Variants in SRGAP1 observed in about 807,000 individuals in gnomAD.
SRGAP1 encodes the protein SLIT-ROBO Rho GTPase-activating protein 1.
In SRGAP1, 43 loss-of-function variants were observed where a neutral mutation model predicts 121.9. The ratio of observed to expected loss-of-function variants is 0.35; its 90% CI spans 0.28 to 0.46. The LOEUF is 0.46. Among genes scored for constraint, SRGAP1 ranks in the 20% least tolerant of loss-of-function variants. SRGAP1 has a pLI of 1.00. For missense variants in SRGAP1, 1,102 were observed against 1,350.9 expected (o/e 0.82, Z 2.89); for synonymous variants, 447 against 485.4 (o/e 0.92, Z 1.04).
At chr12:64,141,269 TAATAAAAAA>T (rs2036954872) in intron 21 of SRGAP1, among the ~76,000 whole-genome samples, 1 of 78,130 alleles carries the variant, frequency 1.3e-5, no homozygotes, top group Non-Finnish European at 2.4e-5. Flanking sequence ...ACTTAAAGTA[TAATAAAAAA>T]AAAAAAAAAA....
intron 18 of SRGAP1, among the ~76,000 whole-genome samples, chr12:64,117,380 A>G (rs934759431): frequency 1.1e-4 from 16 of 151,722 alleles, no homozygotes; most frequent in Admixed American, 7.2e-4. Context: ...TTGATTTGTA[A>G]GGGTTCTTTG....
chr12:64,105,735 C>T (rs546118839), intron 15 of SRGAP1, among the ~76,000 whole-genome samples: 1 of 152,188 alleles, frequency 6.6e-6, no homozygotes, highest in African/African-American at 2.4e-5. Flanking sequence ...AGTTAGCTGA[C>T]ATCACCCCAC....
intron 4 of SRGAP1, 61 bp from the exon 5 acceptor site, chr12:64,042,711 TACGTCGTATAAATGGTTC>T: frequency 8.8e-7 from 1 of 1,134,232 alleles, no homozygotes; most frequent in Non-Finnish European, 1.3e-6. Context: ...GTGTATCATA[TACGTCGTATAAATGGTTC>T]CCATTCACTC....
At chr12:64,085,785 A>G (rs1027916905) in intron 10 of SRGAP1, among the ~76,000 whole-genome samples, 2 of 152,234 alleles carry the variant, frequency 1.3e-5, no homozygotes, top group Non-Finnish European at 2.9e-5. Context: ...AACTTAAATA[A>G]GTAGAACTGG....
At chr12:64,106,976 GATA>G (rs1248978038) in intron 15 of SRGAP1, among the ~76,000 whole-genome samples, 1 of 152,162 alleles carries the variant, frequency 6.6e-6, no homozygotes, top group Non-Finnish European at 1.5e-5. Context: ...TTAATTGCAT[GATA>G]ATGTTTTACT....
chr12:63,866,076 A>G (rs973403763), intron 1 of SRGAP1, among the ~76,000 whole-genome samples: 1 of 152,174 alleles, frequency 6.6e-6, no homozygotes, highest in Non-Finnish European at 1.5e-5. Flanking sequence ...ATTTTTGCTC[A>G]GCTCATGAGG....
At chr12:63,983,823 TATATATATATATATATATATATATATA>T (rs2033331380) in intron 1 of SRGAP1, 97 bp from the exon 2 acceptor site, 1 of 74,544 alleles carries the variant, frequency 1.3e-5, no homozygotes, top group African/African-American at 5.6e-5. Context: ...TATATATATA[TATATATATATATATATATATATATATA>T]TATATTTATA....
Position 64,153,841 on chromosome 12 carries a change from T to C in SRGAP1, c.*11169T>C, listed in dbSNP as rs952875855. ...AAAAGAATTGAAAACAGAAGAGATATTTGCACACTCATGTTCACGCAGCTT... is the reference window on the plus strand; with the variant it reads ...AAAAGAATTGAAAACAGAAGAGATACTTGCACACTCATGTTCACGCAGCTT... On this transcript the variant is annotated 3_prime_UTR_variant, in exon 22 of 22. Transcript: ENST00000355086. The C allele has an allele frequency of 1.3e-5, 2 of 152,166 alleles. No homozygotes were observed. The highest frequency in any genetic ancestry group is 2.9e-5 in the Non-Finnish European group (2 of 68,038). 9.4% of individuals were successfully genotyped at this position (152,166 alleles called of 1,614,324 possible).
chr12:63,956,095 C>G (rs539571382), intron 1 of SRGAP1, among the ~76,000 whole-genome samples: 3 of 152,270 alleles, frequency 2.0e-5, no homozygotes, highest in Non-Finnish European at 4.4e-5. Context: ...GGGTCTAGGT[C>G]TGTCACCCAG....
At chr12:63,920,844 G>C (rs973401245) in intron 1 of SRGAP1, among the ~76,000 whole-genome samples, 4 of 152,126 alleles carry the variant, frequency 2.6e-5, no homozygotes, top group African/African-American at 9.7e-5. Context: ...ATCCATTGAC[G>C]AAATGGGAAA....
intron 6 of SRGAP1, among the ~76,000 whole-genome samples, chr12:64,062,707 G>A (rs935001322): frequency 2.0e-5 from 3 of 151,988 alleles, no homozygotes; most frequent in South Asian, 2.1e-4. Context: ...AGTAGAGACG[G>A]GGGGTCTTCA....
intron 8 of SRGAP1, among the ~76,000 whole-genome samples, chr12:64,071,873 C>T (rs1040604518): frequency 2.0e-5 from 3 of 148,844 alleles, no homozygotes; most frequent in Admixed American, 6.8e-5. Context: ...TACCCTCACC[C>T]CCCCCCAAAA....
At position 64,043,595 on chromosome 12, in the gene SRGAP1, G is replaced by T; in HGVS notation, c.801+20G>T. Reference sequence around the variant, plus strand: ...ATTGATGTGAGTACTTGAAGTTTTTGTCTTTTCCATATTAAAATGAAATTA... The same window carrying T: ...ATTGATGTGAGTACTTGAAGTTTTTTTCTTTTCCATATTAAAATGAAATTA... On this transcript the variant is annotated intron_variant, in intron 6 of 21. Transcript: ENST00000355086. 1 of 1,555,654 alleles carries T rather than the reference G, an allele frequency of 6.4e-7. No homozygotes were observed. The highest frequency in any genetic ancestry group is 1.4e-5 in the African/African-American group (1 of 72,554).
intron 1 of SRGAP1, among the ~76,000 whole-genome samples, chr12:63,972,474 T>G (rs1204179448): frequency 1.3e-5 from 2 of 152,204 alleles, no homozygotes; most frequent in African/African-American, 4.8e-5. Flanking sequence ...AGTGGCTGAT[T>G]GCAGGGAGTG....
chr12:63,891,983 C>A (rs1350462373), intron 1 of SRGAP1, among the ~76,000 whole-genome samples: 72 of 96,260 alleles, frequency 7.5e-4, no homozygotes, highest in South Asian at 1.3e-3. Flanking sequence ...AAGACTGTCT[C>A]AAAAAAAAAA....
chr12:63,913,454 C>CATATATATATATATATAT (rs570506869), intron 1 of SRGAP1, among the ~76,000 whole-genome samples: 4 of 124,114 alleles, frequency 3.2e-5, no homozygotes, highest in South Asian at 2.8e-4. Context: ...ACTGTGTCCA[C>CATATATATATATATATAT]ATATATATAT....
intron 1 of SRGAP1, among the ~76,000 whole-genome samples, chr12:63,926,503 G>C: frequency 6.6e-6 from 1 of 151,998 alleles, no homozygotes; most frequent in East Asian, 1.9e-4. Context: ...CCTGCCTTCT[G>C]GGTAGGGCTC....
In SRGAP1 at chr12:64,063,146, A is replaced by G; in HGVS notation, c.1023+8A>G. The G allele has an allele frequency of 6.3e-7, 1 of 1,597,348 alleles. No homozygotes were observed. The highest frequency in any genetic ancestry group is 8.6e-7 in the Non-Finnish European group (1 of 1,166,348). ...TCTCACATGGGTGATGAGGTCAGTA[A>G]TTGATCATTTTTAAAATAATGAATT... On this transcript the variant is annotated splice_region_variant and intron_variant, in intron 7 of 21. Coordinates refer to ENST00000355086, the MANE Select transcript of SRGAP1 (RefSeq NM_020762.4).
intron 1 of SRGAP1, among the ~76,000 whole-genome samples, chr12:63,847,768 A>T (rs1314469576): frequency 6.6e-6 from 1 of 151,952 alleles, no homozygotes; most frequent in African/African-American, 2.4e-5. Flanking sequence ...ATGAATAAAC[A>T]TACATATTGG....
Sources: gnomAD v4.1 joint callset for allele counts (sites outside exome capture counted in the v4.1 genomes callset) on GRCh38, gnomAD v4.1.1 for gene constraint, MANE v1.5 for transcripts, NCBI Gene and HGNC (gene_info 2026-07-23, HGNC 2026-07-21) for gene names.